Variants in TSC22D1 observed in about 807,000 individuals in gnomAD.
TSC22D1 encodes TSC22 domain family protein 1.
Under a neutral mutation model 74.2 loss-of-function variants are expected in TSC22D1, and 9 were observed. The ratio of observed to expected loss-of-function variants is 0.12; its 90% CI spans 0.07 to 0.21. TSC22D1 has a LOEUF of 0.21. Among genes scored for constraint, TSC22D1 ranks in the 10% least tolerant of loss-of-function variants. The probability of loss-of-function intolerance (pLI) is 1.00; values close to 1 mark genes in which losing one functional copy is unlikely to be tolerated. For synonymous variants in TSC22D1, 586 were observed against 492.5 expected (o/e 1.19, Z -2.51); for missense variants, 1,427 against 1,304.7 (o/e 1.09, Z -1.44).
In TSC22D1 at chr13:44,574,872, T is replaced by A. The variant is rs1279764562; in HGVS notation, c.1203A>T (p.Thr401=). Residue 401 remains threonine, a synonymous_variant, in exon 1 of 3, where the codon ACA becomes ACT. Transcript: ENST00000458659. ...CAACTCTGAACCTCGAAGTGTTAAC[T>A]GTTGGTTGTTGCTGCTGACTTGAAA... is the stretch of plus-strand genomic sequence containing the variant. ...GSVSSQQQQP[T]VNTSRFRVVK... 6.2e-7 allele frequency: 1 copy of A among 1,614,186 alleles called. No individual in the cohort carries two copies. Among genetic ancestry groups the A allele is most frequent in the East Asian group, 2.2e-5 (1 of 44,884 alleles).
Position 44,465,979 on chromosome 13 carries a change from AAAAC to A in TSC22D1, c.2913-29888_2913-29885del, listed in dbSNP as rs3046029. On this transcript the variant is annotated intron_variant, in intron 1 of 2. Transcript: ENST00000458659. ...CAAGAGCGAAACTCTGCCTCAAGAA[AAAAC>A]AAACAAACAAACAAACAAACAAAAC... Among the ~76,000 whole-genome samples, 40 of 151,288 alleles carry A rather than the reference AAAAC, an allele frequency of 2.6e-4. 1 individual carries two copies. Among genetic ancestry groups the A allele is most frequent in the South Asian group, 1.3e-3 (6 of 4,770 alleles).
intron 2 of TSC22D1, among the ~76,000 whole-genome samples, chr13:44,435,514 T>TA (rs371229521): frequency 6.6e-6 from 1 of 151,890 alleles, no homozygotes; most frequent in African/African-American, 2.4e-5. Context: ...AAGGCGGAAA[T>TA]AAAAAATAGG....
intron 1 of TSC22D1, among the ~76,000 whole-genome samples, chr13:44,469,362 C>T (rs935166670): frequency 6.6e-6 from 1 of 152,184 alleles, no homozygotes; most frequent in Admixed American, 6.5e-5. Context: ...TGGGCTAATT[C>T]TTTAAATCCG....
intron 1 of TSC22D1, among the ~76,000 whole-genome samples, chr13:44,472,621 C>A (rs1877670273): frequency 6.6e-6 from 1 of 152,050 alleles, no homozygotes; most frequent in African/African-American, 2.4e-5. Flanking sequence ...TTTGAGACCA[C>A]CCTGGACAAA....
At position 44,531,392 on chromosome 13, in the gene TSC22D1, G is replaced by A. The variant is rs77646553; in HGVS notation, c.2912+41771C>T. Among the ~76,000 whole-genome samples, 1,196 of 152,280 alleles carry A rather than the reference G, an allele frequency of 7.9e-3. 13 individuals carry two copies. The highest frequency in any genetic ancestry group is 0.027 in the African/African-American group (1,128 of 41,560). On this transcript the variant is annotated intron_variant, in intron 1 of 2. Coordinates refer to ENST00000458659, the MANE Select transcript of TSC22D1 (RefSeq NM_183422.4). ...AATGGTGTAATAGATCAACAGATCTGCCTTGGAATGCCATCTTCATTGCTT... is the reference window on the plus strand; with the variant it reads ...AATGGTGTAATAGATCAACAGATCTACCTTGGAATGCCATCTTCATTGCTT...
At chr13:44,564,246 T>C (rs752108949) in intron 1 of TSC22D1, among the ~76,000 whole-genome samples, 2 of 152,018 alleles carry the variant, frequency 1.3e-5, no homozygotes, top group African/African-American at 4.8e-5. Flanking sequence ...TTTTATCTAA[T>C]AGGCATTGAA....
chr13:44,434,504 G>C lies in TSC22D1; in HGVS notation c.*122C>G. ...GGAAAAGAGATAATGGCATATGTCA[G>C]TCTCACGTCTCTTTCGCAGCGAGCA... On this transcript the variant is annotated 3_prime_UTR_variant, in exon 3 of 3. Transcript: ENST00000458659. 3 of 1,432,806 alleles carry C rather than the reference G, an allele frequency of 2.1e-6. No individual in the cohort carries two copies. In the South Asian group the frequency reaches 4.9e-5, roughly 24 times the overall value. The allele number at this position is 1,432,806 out of a possible 1,614,324, so 88.8% of individuals were successfully genotyped here.
At chr13:44,517,829 G>GTGTATATATATA (rs1271183064) in intron 1 of TSC22D1, among the ~76,000 whole-genome samples, 8 of 14,134 alleles carry the variant, frequency 5.7e-4, no homozygotes, top group Non-Finnish European at 9.1e-4. Context: ...GTGTGTGTGT[G>GTGTATATATATA]TATATATATA....
chr13:44,436,706 T>C (rs1874676646), intron 1 of TSC22D1: 2 of 1,516,070 alleles, frequency 1.3e-6, no homozygotes, highest in Non-Finnish European at 8.8e-7. Context: ...TAAAATCTTC[T>C]GGCTTTCCGC....
At chr13:44,553,673 A>G (rs1394059822) in intron 1 of TSC22D1, among the ~76,000 whole-genome samples, 1 of 152,148 alleles carries the variant, frequency 6.6e-6, no homozygotes, top group Non-Finnish European at 1.5e-5. Context: ...TATTTCTTCC[A>G]AGTATTCCCC....
chr13:44,539,683 A>T, intron 1 of TSC22D1: 1 of 1,173,422 alleles, frequency 8.5e-7, no homozygotes, highest in Non-Finnish European at 1.1e-6. Flanking sequence ...AATGAACCCA[A>T]GGAGTTTACC....
At chr13:44,538,589 C>T (rs897451535) in intron 1 of TSC22D1, 6 of 985,226 alleles carry the variant, frequency 6.1e-6, no homozygotes, top group Non-Finnish European at 7.2e-6. Context: ...TTTCAGTCTT[C>T]TGAATAGAAA....
intron 1 of TSC22D1, among the ~76,000 whole-genome samples, chr13:44,511,883 A>T (rs1879739596): frequency 6.6e-6 from 1 of 152,170 alleles, no homozygotes. Flanking sequence ...CAATTTAGAT[A>T]AACAGGAGCT....
At chr13:44,469,532 G>GA (rs1019714403) in intron 1 of TSC22D1, among the ~76,000 whole-genome samples, 1 of 152,090 alleles carries the variant, frequency 6.6e-6, no homozygotes, top group African/African-American at 2.4e-5. Context: ...TGGTAATCTT[G>GA]AAGTTCAGAG....
chr13:44,440,616 G>A (rs530736391), intron 1 of TSC22D1, among the ~76,000 whole-genome samples: 25 of 148,450 alleles, frequency 1.7e-4, no homozygotes, highest in Non-Finnish European at 3.1e-4. Context: ...AAAAAGAATC[G>A]GAAAAGAAAA....
At chr13:44,446,790 G>GGAA (rs372468670) in intron 1 of TSC22D1, among the ~76,000 whole-genome samples, 4 of 64,428 alleles carry the variant, frequency 6.2e-5, no homozygotes, top group Non-Finnish European at 7.7e-5. Flanking sequence ...AAGAAGAGGA[G>GGAA]GAGGAGGAGG....
chr13:44,437,692 C>T (rs1409498898), intron 1 of TSC22D1, among the ~76,000 whole-genome samples: 1 of 152,120 alleles, frequency 6.6e-6, no homozygotes. Flanking sequence ...TTAGTTAAGT[C>T]CCTAAGGCAC....
Position 44,508,757 on chromosome 13 carries a change from T to C in TSC22D1, c.2912+64406A>G, listed in dbSNP as rs76934406. On this transcript the variant is annotated intron_variant, in intron 1 of 2. Transcript: ENST00000458659. ...TCATCTCACACCACTGTCCCCTTGC[T>C]CCCCATGCTCCAGCCACCCAAGTCT... Among the ~76,000 whole-genome samples the C allele has an allele frequency of 9.2e-5, 14 of 152,178 alleles. No individual in the cohort carries two copies. In the East Asian group the frequency reaches 1.4e-3, roughly 15 times the overall value.
At chr13:44,477,771 T>G (rs1257697545) in intron 1 of TSC22D1, among the ~76,000 whole-genome samples, 1 of 151,142 alleles carries the variant, frequency 6.6e-6, no homozygotes, top group Non-Finnish European at 1.5e-5. Context: ...GCCTCCTGAG[T>G]AGTTGGGCTT....
Sources: gnomAD v4.1 joint callset for allele counts (sites outside exome capture counted in the v4.1 genomes callset) on GRCh38, gnomAD v4.1.1 for gene constraint, MANE v1.5 for transcripts, NCBI Gene and HGNC (gene_info 2026-07-23, HGNC 2026-07-21) for gene names.